Variants in DAGLA observed in about 807,000 individuals in gnomAD.
DAGLA encodes the protein diacylglycerol lipase alpha, also known as diacylglycerol lipase-alpha.
In DAGLA, 22 loss-of-function variants were observed where a neutral mutation model predicts 102.6. The observed-to-expected ratio is 0.21, with a 90% CI of 0.15 to 0.31. DAGLA has a LOEUF of 0.31. Ranked by LOEUF, DAGLA falls within the 10% of genes least tolerant of loss-of-function variation. DAGLA has a pLI of 1.00. For missense variants in DAGLA, 927 were observed against 1,446.6 expected, an observed-to-expected ratio of 0.64 and a Z score of 5.83; for synonymous variants, 578 against 628.9, an observed-to-expected ratio of 0.92 and a Z score of 1.21.
At chr11:61,717,633 C>T (rs2065246435) in intron 1 of DAGLA, among the ~76,000 whole-genome samples, 1 of 152,226 alleles carries the variant, frequency 6.6e-6, no homozygotes, top group African/African-American at 2.4e-5. Flanking sequence ...CGTGGTAGAG[C>T]CCAGGTTCAA....
At chr11:61,740,361 C>T (rs902875418) in intron 17 of DAGLA, 102 bp from the exon 18 acceptor site, 6 of 1,465,752 alleles carry the variant, frequency 4.1e-6, no homozygotes, top group Non-Finnish European at 5.5e-6. Context: ...CAAACCATGC[C>T]AGCTCTGCTG....
In DAGLA at chr11:61,686,886, A is replaced by G. The variant is rs2064989583; in HGVS notation, c.-45+6382A>G. 1.3e-5 allele frequency among the ~76,000 whole-genome samples: 2 copies of G among 152,082 alleles called. No homozygotes were observed. The highest frequency in any genetic ancestry group is 4.8e-5 in the African/African-American group (2 of 41,396). On this transcript the variant is annotated intron_variant, in intron 1 of 19. Transcript: ENST00000257215. This position sits in a 1 kb window ranked among gnomAD's most constrained non-coding sequence, Gnocchi z 5.2. ...TGGCTGCTCCTGATGGGCAGGCCAC[A>G]CCGTGGAGTGGGCTCCCTGGGGCTG... is the stretch of plus-strand genomic sequence containing the variant.
Position 61,743,686 on chromosome 11 carries a change from C to T in DAGLA, c.2326C>T (p.Pro776Ser). Residue 776 changes from proline to serine, a missense_variant, in exon 20 of 20, where the codon CCA becomes TCA. Pro to Ser is a moderately conservative substitution (Grantham distance 74). Around this residue, in one of 4 missense-constraint regions of DAGLA, gnomAD observed 434 missense variants for 503.3 expected, o/e 0.86. Coordinates refer to ENST00000257215, the MANE Select transcript of DAGLA (RefSeq NM_006133.3). The part of the protein sequence containing the change: ...LAAELQARRA[P>S]LATMESLSDT... ...GGCGGAGCTGCAGGCCCGGCGGGCA[C>T]CACTGGCCACCATGGAGAGCCTCTC... 1 of 1,602,470 alleles carries T rather than the reference C, an allele frequency of 6.2e-7. No homozygotes were observed. Among genetic ancestry groups the T allele is most frequent in the Non-Finnish European group, 8.5e-7 (1 of 1,176,634 alleles).
Position 61,720,554 on chromosome 11 carries a change from T to C in DAGLA, c.96-125T>C, listed in dbSNP as rs1167767583. 3.6e-5 allele frequency: 31 copies of C among 865,092 alleles called. No individual in the cohort carries two copies. In the South Asian group the frequency reaches 3.9e-4, roughly 11 times the overall value. The allele number at this position is 865,092 out of a possible 1,614,324, so 53.6% of individuals were successfully genotyped here. A position where few individuals can be genotyped will look rare whatever the true frequency, so the allele number is the denominator to read the frequency against. On this transcript the variant is annotated intron_variant, in intron 2 of 19. Coordinates refer to ENST00000257215, the MANE Select transcript of DAGLA (RefSeq NM_006133.3). ...CGATGCCAGGTGGACAATGGTCTTA[T>C]GGAGGAGGTGCCTGCTGCCAGCCCT...
chr11:61,722,800 G>T, intron 3 of DAGLA, 59 bp from the exon 4 acceptor site: 2 of 1,450,962 alleles, frequency 1.4e-6, no homozygotes, highest in South Asian at 1.1e-5. Flanking sequence ...CGGGGTTCTA[G>T]GCCCTTCCCT....
chr11:61,713,152 T>C (rs1252614851), intron 1 of DAGLA, among the ~76,000 whole-genome samples: 1 of 152,128 alleles, frequency 6.6e-6, no homozygotes, highest in Non-Finnish European at 1.5e-5. Context: ...TCCCACATGA[T>C]TGTGAGTCTG....
chr11:61,713,965 G>A (rs1000318943), intron 1 of DAGLA, among the ~76,000 whole-genome samples: 2 of 152,192 alleles, frequency 1.3e-5, no homozygotes, highest in African/African-American at 4.8e-5. Flanking sequence ...AATCCCATTC[G>A]TCATGGAAAT....
At chr11:61,726,388 CAA>C (rs1259588269) in intron 6 of DAGLA, among the ~76,000 whole-genome samples, 1 of 152,208 alleles carries the variant, frequency 6.6e-6, no homozygotes, top group Non-Finnish European at 1.5e-5. Flanking sequence ...GACCTGAAGA[CAA>C]AGAAAAGTAG....
Position 61,736,279 on chromosome 11 carries a change from C to T in DAGLA, c.1300C>T (p.Leu434Phe), listed in dbSNP as rs1252246230. The T allele has an allele frequency of 3.1e-6, 5 of 1,613,986 alleles. No homozygotes were observed. Among genetic ancestry groups the T allele is most frequent in the African/African-American group, 1.3e-5 (1 of 74,938 alleles). Residue 434 changes from leucine (L) to phenylalanine (F), a missense_variant, in exon 13 of 20, where the codon CTC (leucine) becomes TTC (phenylalanine). Physicochemically the swap from Leu to Phe is conservative, Grantham distance 22. Coordinates refer to ENST00000257215, the MANE Select transcript of DAGLA (RefSeq NM_006133.3). ...GTTCCTGCCCACCCAGGGTATGGTCCTCTCAGCTGAGTACATCAAGAAGAA... is the reference window on the plus strand; with the variant it reads ...GTTCCTGCCCACCCAGGGTATGGTCTTCTCAGCTGAGTACATCAAGAAGAA... ...GTWLGHKGMV[L>F]SAEYIKKKLE... is the part of the protein sequence containing the mutation.
chr11:61,728,788 C>T (rs1362940886), intron 7 of DAGLA, 143 bp from the exon 8 acceptor site: 1 of 677,828 alleles, frequency 1.5e-6, no homozygotes, highest in East Asian at 2.7e-5. Flanking sequence ...GTGGCTGAAT[C>T]TTGGAAGAAC....
At chr11:61,704,165 G>C (rs145633248) in intron 1 of DAGLA, among the ~76,000 whole-genome samples, 3,581 of 151,544 alleles carry the variant, frequency 0.024, 66 homozygotes, top group South Asian at 0.042. Flanking sequence ...TGTCACCCAG[G>C]CTGGAGTGCA....
intron 13 of DAGLA, 58 bp from the exon 14 acceptor site, chr11:61,737,124 T>C: frequency 6.2e-7 from 1 of 1,609,684 alleles, no homozygotes; most frequent in Non-Finnish European, 8.5e-7. Flanking sequence ...TTGGGTTGGC[T>C]AAGACAGTCG....
At chr11:61,719,391 C>T (rs550585522) in intron 1 of DAGLA, among the ~76,000 whole-genome samples, 3 of 152,266 alleles carry the variant, frequency 2.0e-5, no homozygotes, top group Admixed American at 1.3e-4. Context: ...AAGCCCTACT[C>T]CTGACCCTGC....
Position 61,722,694 on chromosome 11 carries a change from G to T in DAGLA, c.308-165G>T, listed in dbSNP as rs886200122. ...CAAATGGTGACAGGACGGGCTTGGG[G>T]CCTGGGAGGCGGGGGGTGGGGGGTC... On this transcript the variant is annotated intron_variant, in intron 3 of 19. Transcript: ENST00000257215. 3.3e-5 allele frequency among the ~76,000 whole-genome samples: 5 copies of T among 152,040 alleles called. 1 individual carries two copies. Among genetic ancestry groups the T allele is most frequent in the African/African-American group, 2.4e-5 (1 of 41,376 alleles).
At position 61,743,716 on chromosome 11, in the gene DAGLA, A is replaced by G. The variant is rs1565266783; in HGVS notation, c.2356A>G (p.Thr786Ala). 1.9e-6 allele frequency: 3 copies of G among 1,608,540 alleles called. No homozygotes were observed. Among genetic ancestry groups the G allele is most frequent in the Non-Finnish European group, 2.5e-6 (3 of 1,178,280 alleles). The change falls in exon 20 of 20, where the codon ACT (threonine) becomes GCT (alanine). Residue 786 changes from threonine (T) to alanine (A), a missense_variant. Physicochemically the swap from Thr to Ala is moderately conservative, Grantham distance 58. This residue lies in a region of DAGLA where 434 missense variants were observed against 503.3 expected (regional missense o/e 0.86). Coordinates refer to ENST00000257215, the MANE Select transcript of DAGLA (RefSeq NM_006133.3). ...PLATMESLSDTESLYSFDSRR... is the reference protein window; with the variant it reads ...PLATMESLSDAESLYSFDSRR... ...GGCCACCATGGAGAGCCTCTCGGAC[A>G]CTGAGTCCCTGTACAGCTTCGACTC... is the stretch of plus-strand genomic sequence containing the variant.
intron 9 of DAGLA, among the ~76,000 whole-genome samples, chr11:61,732,346 C>G (rs1000164248): frequency 6.6e-6 from 1 of 152,192 alleles, no homozygotes. Flanking sequence ...AGCGACTGAT[C>G]AGAGAGGACT....
intron 16 of DAGLA, 59 bp from the exon 17 acceptor site, chr11:61,739,406 T>G: frequency 1.2e-4 from 111 of 921,666 alleles, no homozygotes; most frequent in Non-Finnish European, 1.6e-4. Flanking sequence ...CCCCTGCCCC[T>G]GCCCCCCAGC....
intron 1 of DAGLA, among the ~76,000 whole-genome samples, chr11:61,690,998 AC>A (rs2065019852): frequency 1.3e-5 from 2 of 150,570 alleles, no homozygotes; most frequent in South Asian, 4.2e-4. Context: ...GGCTCCTCTC[AC>A]CCCACACGCC....
At chr11:61,687,033 A>G (rs2064990951) in intron 1 of DAGLA, among the ~76,000 whole-genome samples, 1 of 152,160 alleles carries the variant, frequency 6.6e-6, no homozygotes, top group African/African-American at 2.4e-5. Flanking sequence ...AAATAATACT[A>G]GTAACAATAA....
Sources: allele counts gnomAD v4.1 joint callset (sites outside exome capture counted in the v4.1 genomes callset), GRCh38; gene constraint gnomAD v4.1.1; regional missense constraint gnomAD v4.1.1; non-coding constraint Gnocchi (gnomAD v3.1); transcripts MANE v1.5; gene names NCBI Gene and HGNC (gene_info 2026-07-23, HGNC 2026-07-21).